RCAN2: variants seen among roughly 807,000 people sequenced by gnomAD.
RCAN2 encodes regulator of calcineurin 2, also known as calcipressin-2.
Under a neutral mutation model 23.6 loss-of-function variants are expected in RCAN2, and 9 were observed. That is an observed-to-expected ratio of 0.38 (90% CI 0.23 to 0.67). The LOEUF is 0.67. RCAN2 is among the 30% of genes least tolerant of loss of function. RCAN2 has a pLI of 0.51. For missense variants in RCAN2, 273 were observed against 302.3 expected (o/e 0.90, Z 0.72); for synonymous variants, 109 against 115.7 (o/e 0.94, Z 0.37).
chr6:46,316,761 T>G (rs1473409381), intron 2 of RCAN2, among the ~76,000 whole-genome samples: 1 of 152,252 alleles, frequency 6.6e-6, no homozygotes, highest in Non-Finnish European at 1.5e-5. Flanking sequence ...TCATGGGTTA[T>G]GTGTCCTGTT....
chr6:46,437,771 T>C (rs1364777535), intron 2 of RCAN2, among the ~76,000 whole-genome samples: 1 of 151,986 alleles, frequency 6.6e-6, no homozygotes, highest in Non-Finnish European at 1.5e-5. Context: ...TTCTGTAGAG[T>C]CCAGACACAG....
At chr6:46,382,427 CAA>C (rs1251135976) in intron 2 of RCAN2, among the ~76,000 whole-genome samples, 1 of 152,098 alleles carries the variant, frequency 6.6e-6, no homozygotes, top group African/African-American at 2.4e-5. Context: ...TATGCTGGGA[CAA>C]AAATATTCCT....
chr6:46,447,367 T>G (rs996493743), intron 2 of RCAN2, among the ~76,000 whole-genome samples: 72 of 151,492 alleles, frequency 4.8e-4, no homozygotes, highest in African/African-American at 1.7e-3. Context: ...AGAGAGAGAA[T>G]AGAGAGAGAG....
At chr6:46,484,729 G>A (rs1014027904) in intron 1 of RCAN2, among the ~76,000 whole-genome samples, 10 of 152,230 alleles carry the variant, frequency 6.6e-5, no homozygotes, top group Admixed American at 2.0e-4. Context: ...AACATCAGGA[G>A]AGAAGCCATC....
intron 2 of RCAN2, among the ~76,000 whole-genome samples, chr6:46,323,359 G>A (rs1763680167): frequency 6.7e-6 from 1 of 150,332 alleles, no homozygotes; most frequent in South Asian, 2.1e-4. Context: ...AGAAGACTAA[G>A]GCCCAGAAAG....
At chr6:46,369,371 T>C (rs894182646) in intron 2 of RCAN2, among the ~76,000 whole-genome samples, 2 of 152,242 alleles carry the variant, frequency 1.3e-5, no homozygotes, top group African/African-American at 4.8e-5. Context: ...ACTGGTAACA[T>C]AGTCATTTAT....
At chr6:46,262,828 C>T (rs2150327198) in intron 2 of RCAN2, among the ~76,000 whole-genome samples, 1 of 152,274 alleles carries the variant, frequency 6.6e-6, no homozygotes, top group South Asian at 2.1e-4. Flanking sequence ...TATTCTGTGC[C>T]TGCAAGCCTT....
chr6:46,438,446 T>A (rs755044153), intron 2 of RCAN2: 1 of 152,214 alleles, frequency 6.6e-6, no homozygotes, highest in East Asian at 1.9e-4. Context: ...CCAAGGAGCA[T>A]GCAGCTTCAT....
chr6:46,459,089 G>A (rs1317058454), intron 1 of RCAN2, among the ~76,000 whole-genome samples: 1 of 152,140 alleles, frequency 6.6e-6, no homozygotes, highest in African/African-American at 2.4e-5. Context: ...GTAGACACAG[G>A]GTTTCACCAC....
intron 2 of RCAN2, among the ~76,000 whole-genome samples, chr6:46,347,114 A>T (rs1009950590): frequency 6.6e-6 from 1 of 152,148 alleles, no homozygotes; most frequent in Non-Finnish European, 1.5e-5. Flanking sequence ...TGACCTTGTG[A>T]TCCACCTGCC....
At chr6:46,266,794 T>TCCAA (rs1345114315) in intron 2 of RCAN2, among the ~76,000 whole-genome samples, 1 of 152,094 alleles carries the variant, frequency 6.6e-6, no homozygotes, top group Non-Finnish European at 1.5e-5. Context: ...GGCGACTGAT[T>TCCAA]CCAACCCCTC....
intron 2 of RCAN2, among the ~76,000 whole-genome samples, chr6:46,365,849 G>A (rs773310221): frequency 3.9e-5 from 6 of 152,090 alleles, no homozygotes; most frequent in Non-Finnish European, 5.9e-5. Context: ...TATATATAAC[G>A]CATCTTAAAT....
chr6:46,360,127 GC>G (rs1162992030), intron 2 of RCAN2, among the ~76,000 whole-genome samples: 5 of 152,112 alleles, frequency 3.3e-5, no homozygotes, highest in Non-Finnish European at 7.4e-5. Context: ...CTAGGGTGGG[GC>G]ATATGATTCT....
At chr6:46,321,089 G>T (rs574501243) in intron 2 of RCAN2, among the ~76,000 whole-genome samples, 2 of 152,186 alleles carry the variant, frequency 1.3e-5, no homozygotes, top group South Asian at 4.1e-4. Flanking sequence ...CTCTGTACAT[G>T]GCTCTCTAAA....
chr6:46,256,480 G>A (rs1045846569), intron 2 of RCAN2, among the ~76,000 whole-genome samples: 1 of 152,148 alleles, frequency 6.6e-6, no homozygotes, highest in Admixed American at 6.5e-5. Flanking sequence ...GATCCAGGCC[G>A]AACTCAGGCC....
chr6:46,334,450 C>A (rs2150368863), intron 2 of RCAN2, among the ~76,000 whole-genome samples: 1 of 152,262 alleles, frequency 6.6e-6, no homozygotes, highest in East Asian at 1.9e-4. Flanking sequence ...CAGGTACTGT[C>A]ACACAGACAA....
intron 2 of RCAN2, among the ~76,000 whole-genome samples, chr6:46,302,475 G>C (rs1266326844): frequency 2.0e-5 from 3 of 152,016 alleles, no homozygotes; most frequent in Non-Finnish European, 4.4e-5. Context: ...CAATTTTGTT[G>C]TTTAGATTTG....
chr6:46,266,259 C>A (rs1350127302), intron 2 of RCAN2, among the ~76,000 whole-genome samples: 1 of 152,190 alleles, frequency 6.6e-6, no homozygotes, highest in Non-Finnish European at 1.5e-5. Context: ...ATTACCAGTA[C>A]TGTTCTTGGG....
intron 2 of RCAN2, among the ~76,000 whole-genome samples, chr6:46,403,089 T>C (rs879403640): frequency 1.8e-4 from 27 of 151,896 alleles, no homozygotes; most frequent in Admixed American, 7.2e-4. Flanking sequence ...CTCAGCCTCC[T>C]GAGTAGCTGG....
Sources: gnomAD v4.1 joint callset for allele counts (sites outside exome capture counted in the v4.1 genomes callset) on GRCh38, gnomAD v4.1.1 for gene constraint, MANE v1.5 for transcripts, NCBI Gene and HGNC (gene_info 2026-07-23, HGNC 2026-07-21) for gene names.